The following SPTLC3 variants were observed in gnomAD, a reference collection of about 807,000 sequenced individuals.
The protein encoded by SPTLC3 is serine palmitoyltransferase long chain base subunit 3, also known as serine palmitoyltransferase 3.
SPTLC3 carries 36 observed loss-of-function variants against 59.3 expected under a neutral mutation model. That is an observed-to-expected ratio of 0.61 (90% CI 0.47 to 0.80). The LOEUF (loss-of-function observed/expected upper bound fraction) is 0.80, where lower values mean the gene tolerates loss of function less well. SPTLC3 is among the 30% of genes least tolerant of loss of function. The pLI is 0.00. For missense variants in SPTLC3, 625 were observed against 685.1 expected, an observed-to-expected ratio of 0.91 and a Z score of 0.98; for synonymous variants, 257 against 240.8, an observed-to-expected ratio of 1.07 and a Z score of -0.62.
chr20:13,065,455 C>T (rs781091321), intron 2 of SPTLC3, among the ~76,000 whole-genome samples: 14 of 150,836 alleles, frequency 9.3e-5, no homozygotes, highest in Non-Finnish European at 1.5e-4. Flanking sequence ...TCAGCATTTC[C>T]GGAAAATGTA....
At chr20:13,155,405 T>C (rs892183835) in intron 10 of SPTLC3, among the ~76,000 whole-genome samples, 37 of 152,238 alleles carry the variant, frequency 2.4e-4, no homozygotes, top group Admixed American at 2.2e-3. Flanking sequence ...AAAGTACCAA[T>C]AAAAGAGGTT....
chr20:13,055,671 A>T (rs1199518929), intron 2 of SPTLC3, among the ~76,000 whole-genome samples: 1 of 152,184 alleles, frequency 6.6e-6, no homozygotes, highest in Non-Finnish European at 1.5e-5. Context: ...CTTACATTTT[A>T]TCAGGAAAAA....
At chr20:13,131,488 A>G (rs1374954171) in intron 9 of SPTLC3, among the ~76,000 whole-genome samples, 4 of 152,204 alleles carry the variant, frequency 2.6e-5, no homozygotes, top group Non-Finnish European at 5.9e-5. Flanking sequence ...TAAACACTCA[A>G]TAAAGTCATA....
intron 2 of SPTLC3, among the ~76,000 whole-genome samples, chr20:13,068,679 G>A (rs996544943): frequency 2.0e-5 from 3 of 151,808 alleles, no homozygotes; most frequent in African/African-American, 7.3e-5. Context: ...GAAACATGTA[G>A]GTTACTGACC....
intron 1 of SPTLC3, among the ~76,000 whole-genome samples, chr20:13,045,149 A>C (rs960342840): frequency 1.1e-4 from 16 of 152,084 alleles, no homozygotes; most frequent in African/African-American, 3.6e-4. Context: ...CAGAAGAGTA[A>C]TTGTCTGTAA....
rs151049361 is a variant in SPTLC3, at chr20:13,110,403, A to G, written c.932+186A>G. ...GGTTATCTGTCTTTTTGATGACTCT[A>G]TATATGGCACAGCAGCTTGGAGGCT... On this transcript the variant is annotated intron_variant, in intron 7 of 11. Transcript: ENST00000399002. 9.5e-4 allele frequency among the ~76,000 whole-genome samples: 144 copies of G among 152,230 alleles called. 3 individuals are homozygous for G. The South Asian group carries it at 0.017, about 18-fold the overall frequency.
At chr20:13,047,998 C>T (rs1444745866) in intron 1 of SPTLC3, among the ~76,000 whole-genome samples, 1 of 152,142 alleles carries the variant, frequency 6.6e-6, no homozygotes, top group African/African-American at 2.4e-5. Context: ...ATATCTCTAT[C>T]TTTCCTACTA....
intron 1 of SPTLC3, among the ~76,000 whole-genome samples, chr20:13,036,857 G>C (rs1192709489): frequency 2.0e-5 from 3 of 152,062 alleles, no homozygotes; most frequent in Non-Finnish European, 4.4e-5. Flanking sequence ...ACTCTGATGG[G>C]AACTGACTGA....
chr20:13,152,772 C>A (rs550641912), intron 9 of SPTLC3, among the ~76,000 whole-genome samples: 1 of 152,162 alleles, frequency 6.6e-6, no homozygotes, highest in African/African-American at 2.4e-5. Context: ...CAGTATGGTT[C>A]TCTGGAGGAG....
rs185451279 is a variant in SPTLC3 at position 13,157,405 on chromosome 20, C to G, written c.1416-2598C>G. Among the ~76,000 whole-genome samples the G allele has an allele frequency of 6.3e-3, 959 of 152,146 alleles. 6 individuals are homozygous for G. Among genetic ancestry groups the G allele is most frequent in the Non-Finnish European group, 0.011 (750 of 68,004 alleles). On this transcript the variant is annotated intron_variant, in intron 10 of 11. Coordinates refer to ENST00000399002, the MANE Select transcript of SPTLC3 (RefSeq NM_018327.4). ...TGAGCCAAGATCATACCACTGCACT[C>G]CAGCCTGGGCAACAAGAGTGAAACT...
At chr20:13,019,268 A>G (rs1985738094) in intron 1 of SPTLC3, among the ~76,000 whole-genome samples, 1 of 152,202 alleles carries the variant, frequency 6.6e-6, no homozygotes, top group African/African-American at 2.4e-5. Flanking sequence ...AGGAGGTCTC[A>G]TGATTTCTAA....
Position 13,164,874 on chromosome 20 carries a change from T to C in SPTLC3, c.*7T>C, listed in dbSNP as rs757677844. The C allele has an allele frequency of 3.1e-6, 5 of 1,608,162 alleles. No individual in the cohort carries two copies. In the South Asian group the frequency reaches 3.3e-5, roughly 11 times the overall value. The stretch of plus-strand genomic sequence containing the variant: ...CTTTGAACTCGAAGATTAAGTTTCC[T>C]GGTCCTGAATGACACATAAAGACTT... On this transcript the variant is annotated 3_prime_UTR_variant, in exon 12 of 12. Coordinates refer to ENST00000399002, the MANE Select transcript of SPTLC3 (RefSeq NM_018327.4).
At chr20:13,030,722 C>T (rs568401703) in intron 1 of SPTLC3, among the ~76,000 whole-genome samples, 18 of 152,192 alleles carry the variant, frequency 1.2e-4, no homozygotes, top group Middle Eastern at 3.4e-3. Context: ...CCATGCCTGC[C>T]CCTCCCTATC....
chr20:13,083,797 C>A (rs925316844), intron 4 of SPTLC3, among the ~76,000 whole-genome samples: 2 of 152,182 alleles, frequency 1.3e-5, no homozygotes, highest in Non-Finnish European at 2.9e-5. Flanking sequence ...GATTATTATG[C>A]AGCTCCCAAC....
At chr20:13,026,981 G>A (rs996941608) in intron 1 of SPTLC3, among the ~76,000 whole-genome samples, 9 of 152,074 alleles carry the variant, frequency 5.9e-5, no homozygotes, top group Non-Finnish European at 7.4e-5. Flanking sequence ...CTCATCCTTC[G>A]GGAAAGATAA....
chr20:13,161,607 G>A lies in SPTLC3; in HGVS notation c.1545+1475G>A, dbSNP rs113472476. 9.0e-3 allele frequency among the ~76,000 whole-genome samples: 1,374 copies of A among 152,260 alleles called. 9 individuals are homozygous for A. The highest frequency in any genetic ancestry group is 0.016 in the Non-Finnish European group (1,073 of 68,020). On this transcript the variant is annotated intron_variant, in intron 11 of 11. Coordinates refer to ENST00000399002, the MANE Select transcript of SPTLC3 (RefSeq NM_018327.4). ...GTGTAGTATTAAACTCCATACAGAG[G>A]AGAAAGTTTCAAGAAGGAGGAGGGT...
chr20:13,073,686 C>A, intron 3 of SPTLC3: 1 of 374,588 alleles, frequency 2.7e-6, no homozygotes, highest in Admixed American at 3.9e-5. Flanking sequence ...GACTGCTTAT[C>A]TGCTTGTTCA....
intron 1 of SPTLC3, among the ~76,000 whole-genome samples, chr20:13,014,277 C>T (rs1985407550): frequency 6.6e-6 from 1 of 152,146 alleles, no homozygotes; most frequent in Non-Finnish European, 1.5e-5. Context: ...AATAGTCCAC[C>T]ACAATAGAAA....
intron 6 of SPTLC3, among the ~76,000 whole-genome samples, chr20:13,108,768 G>T (rs977753672): frequency 6.6e-6 from 1 of 152,068 alleles, no homozygotes; most frequent in Non-Finnish European, 1.5e-5. Flanking sequence ...TAGAGACTGG[G>T]TTTCACCATG....
Sources: gnomAD v4.1 joint callset for allele counts (sites outside exome capture counted in the v4.1 genomes callset) on GRCh38, gnomAD v4.1.1 for gene constraint, MANE v1.5 for transcripts, NCBI Gene and HGNC (gene_info 2026-07-23, HGNC 2026-07-21) for gene names.